PARD3B: variants seen among roughly 807,000 people sequenced by gnomAD.
PARD3B encodes the protein par-3 family cell polarity regulator beta, also known as partitioning defective 3 homolog B.
A neutral mutation model predicts 130.2 loss-of-function variants in PARD3B; 103 were observed. That is an observed-to-expected ratio of 0.79 (90% CI 0.67 to 0.93). PARD3B has a LOEUF of 0.93. PARD3B is among the 40% of genes least tolerant of loss of function. PARD3B has a pLI of 0.00. For synonymous variants in PARD3B, 583 were observed against 553.2 expected, an observed-to-expected ratio of 1.05 and a Z score of -0.76; for missense variants, 1,609 against 1,499.2, an observed-to-expected ratio of 1.07 and a Z score of -1.21.
chr2:205,521,977 T>C (rs2051080868), intron 21 of PARD3B, among the ~76,000 whole-genome samples: 1 of 152,050 alleles, frequency 6.6e-6, no homozygotes, highest in South Asian at 2.1e-4. Flanking sequence ...TTCTGATAGA[T>C]ACAGATATTT....
At chr2:205,058,279 G>T (rs1361526413) in intron 4 of PARD3B, among the ~76,000 whole-genome samples, 2 of 151,802 alleles carry the variant, frequency 1.3e-5, no homozygotes. Flanking sequence ...CCTTGTTAAG[G>T]TTGAAAATAC....
chr2:204,698,158 A>G (rs1285402834), intron 2 of PARD3B, among the ~76,000 whole-genome samples: 1 of 152,018 alleles, frequency 6.6e-6, no homozygotes, highest in Non-Finnish European at 1.5e-5. Context: ...GCCTGTTTCC[A>G]TTGCGTTTTT....
At chr2:204,552,983 G>C (rs2125044480) in intron 1 of PARD3B, among the ~76,000 whole-genome samples, 1 of 151,914 alleles carries the variant, frequency 6.6e-6, no homozygotes, top group East Asian at 1.9e-4. Context: ...CACAGAGTGG[G>C]AGAAAATCTT....
chr2:204,852,222 G>A (rs567283263), intron 2 of PARD3B, among the ~76,000 whole-genome samples: 1 of 151,786 alleles, frequency 6.6e-6, no homozygotes, highest in Admixed American at 6.6e-5. Context: ...GTTTTAGGCG[G>A]TTATTTTGCT....
Position 204,626,620 on chromosome 2 carries a change from T to A in PARD3B, c.121-59561T>A, listed in dbSNP as rs188671114. 2.4e-3 allele frequency among the ~76,000 whole-genome samples: 359 copies of A among 152,230 alleles called. 2 individuals are homozygous for A. The highest frequency in any genetic ancestry group is 8.4e-3 in the African/African-American group (348 of 41,546). ...AGAAATATGAAGCTCTGAAACAAAA[T>A]TCTAAAAATCTGTAGTAAATGTATT... On this transcript the variant is annotated intron_variant, in intron 1 of 22. Coordinates refer to ENST00000406610, the MANE Select transcript of PARD3B (RefSeq NM_001302769.2).
At chr2:205,161,148 A>G (rs1324816605) in intron 11 of PARD3B, among the ~76,000 whole-genome samples, 5 of 152,324 alleles carry the variant, frequency 3.3e-5, no homozygotes, top group Non-Finnish European at 7.3e-5. Flanking sequence ...AAAAGCAAAC[A>G]TCTTAGCTTT....
chr2:204,775,968 C>G (rs879277538), intron 2 of PARD3B, among the ~76,000 whole-genome samples: 3 of 152,182 alleles, frequency 2.0e-5, no homozygotes, highest in African/African-American at 7.2e-5. Flanking sequence ...CAAGAAGCAG[C>G]ATTGTCATAT....
intron 2 of PARD3B, among the ~76,000 whole-genome samples, chr2:204,698,638 T>C (rs1319999468): frequency 6.6e-6 from 1 of 152,050 alleles, no homozygotes; most frequent in Non-Finnish European, 1.5e-5. Flanking sequence ...CTATTATTCA[T>C]TACTTCAAAA....
intron 10 of PARD3B, among the ~76,000 whole-genome samples, chr2:205,134,623 C>T (rs185198783): frequency 6.6e-6 from 1 of 152,286 alleles, no homozygotes; most frequent in Admixed American, 6.5e-5. Flanking sequence ...GAGACTGGGT[C>T]CTTAATCATG....
chr2:204,711,619 C>T (rs1239189781), intron 2 of PARD3B, among the ~76,000 whole-genome samples: 1 of 151,950 alleles, frequency 6.6e-6, no homozygotes, highest in Admixed American at 6.6e-5. Context: ...GATCTTGGCT[C>T]ACTGCAACCT....
At chr2:205,335,196 T>C (rs2043267132) in intron 18 of PARD3B, among the ~76,000 whole-genome samples, 1 of 152,144 alleles carries the variant, frequency 6.6e-6, no homozygotes, top group African/African-American at 2.4e-5. Context: ...AATCCAAATA[T>C]AAGCATTAGT....
At chr2:205,615,092 G>T (rs1360502497) in intron 22 of PARD3B, among the ~76,000 whole-genome samples, 1 of 152,110 alleles carries the variant, frequency 6.6e-6, no homozygotes, top group Non-Finnish European at 1.5e-5. Flanking sequence ...AACAGAAAAG[G>T]GTATAAACCA....
At chr2:205,302,345 T>A (rs12694022) in intron 18 of PARD3B, among the ~76,000 whole-genome samples, 151,730 of 151,840 alleles carry the variant, frequency 1, 75,811 homozygotes, top group Non-Finnish European at 1. Context: ...TGCTGGGGTT[T>A]CAGGCAGGAG....
At chr2:205,574,638 TG>T (rs1023702263) in intron 22 of PARD3B, among the ~76,000 whole-genome samples, 3 of 151,652 alleles carry the variant, frequency 2.0e-5, no homozygotes, top group Non-Finnish European at 4.4e-5. Context: ...AGCACTCCAG[TG>T]GGGGGGCAAC....
At chr2:205,594,100 GT>G (rs1368645124) in intron 22 of PARD3B, among the ~76,000 whole-genome samples, 1 of 152,190 alleles carries the variant, frequency 6.6e-6, no homozygotes, top group East Asian at 1.9e-4. Context: ...AGCCTGTGTG[GT>G]TTCTGGCAGG....
chr2:205,121,895 A>G lies in PARD3B; in HGVS notation c.1111A>G (p.Met371Val). Reference protein sequence around the residue: ...KPSSPSLSPLMGFGSNKNAKK... With the variant: ...KPSSPSLSPLVGFGSNKNAKK... ...ATCCTCTCCCTCACTCTCGCCTCTC[A>G]TGGGATTTGGCAGCAATAAAAATGC... The change falls in exon 8 of 23, where the codon ATG (methionine) becomes GTG (valine). Residue 371 changes from methionine (M) to valine (V), a missense_variant. Met to Val is a conservative substitution (Grantham distance 21). Transcript: ENST00000406610. The surrounding 1 kb of genome is among the most constrained non-coding windows in gnomAD (Gnocchi z 5.0). 6.2e-7 allele frequency: 1 copy of G among 1,613,914 alleles called. No homozygotes were observed.
rs1371360761 is a variant in PARD3B at position 205,274,113 on chromosome 2, G to A, written c.2186-26417G>A. ...GACAAATATAGTTTTTTTAAAAAAA[G>A]TCTATTTTATTTTCCCTCATATGTA... On this transcript the variant is annotated intron_variant, in intron 16 of 22. Transcript: ENST00000406610. The surrounding 1 kb of genome is among the most constrained non-coding windows in gnomAD (Gnocchi z 4.2). Among the ~76,000 whole-genome samples, 1 of 152,032 alleles carries A rather than the reference G, an allele frequency of 6.6e-6. No homozygotes were observed. The highest frequency in any genetic ancestry group is 1.5e-5 in the Non-Finnish European group (1 of 67,996).
At chr2:205,487,450 T>C (rs1374617031) in intron 20 of PARD3B, among the ~76,000 whole-genome samples, 3 of 57,526 alleles carry the variant, frequency 5.2e-5, no homozygotes, top group Non-Finnish European at 1.5e-4. Flanking sequence ...CTAACTGACA[T>C]AATCCTCTAA....
At chr2:205,527,123 C>T (rs1486338428) in intron 21 of PARD3B, among the ~76,000 whole-genome samples, 1 of 152,094 alleles carries the variant, frequency 6.6e-6, no homozygotes, top group Non-Finnish European at 1.5e-5. Context: ...AAATCAGTTC[C>T]CAGGATAGCA....
Sources: gnomAD v4.1 joint callset for allele counts (sites outside exome capture counted in the v4.1 genomes callset) on GRCh38, gnomAD v4.1.1 for gene constraint, Gnocchi (gnomAD v3.1) non-coding constraint, MANE v1.5 for transcripts, NCBI Gene and HGNC (gene_info 2026-07-23, HGNC 2026-07-21) for gene names.